P2RX7: variants seen among roughly 807,000 people sequenced by gnomAD.
P2RX7 encodes the protein purinergic receptor P2X 7.
Under a neutral mutation model 71.6 loss-of-function variants are expected in P2RX7, and 62 were observed. The observed-to-expected ratio is 0.87, with a 90% CI of 0.71 to 1.07. The LOEUF (loss-of-function observed/expected upper bound fraction) is 1.07, where lower values mean the gene tolerates loss of function less well. P2RX7 is among the 50% of genes least tolerant of loss of function. The pLI is 0.00. For missense variants in P2RX7, 686 were observed against 748.5 expected (o/e 0.92, Z 0.97); for synonymous variants, 299 against 283.3 (o/e 1.06, Z -0.56).
chr12:121,182,082 C>A (rs981156996), intron 12 of P2RX7, among the ~76,000 whole-genome samples: 14 of 139,298 alleles, frequency 1.0e-4, no homozygotes, highest in African/African-American at 3.5e-4. Context: ...AAAAAAAAGT[C>A]TTTTCTGCTC....
chr12:121,165,415 T>C lies in P2RX7; in HGVS notation c.592T>C (p.Phe198Leu). The change falls in exon 6 of 13, where the codon TTC (phenylalanine) becomes CTC (leucine). Residue 198 changes from phenylalanine (F) to leucine (L), a missense_variant. Transcript: ENST00000328963. The stretch of plus-strand genomic sequence containing the variant: ...TGTGCTCATCAAGAACAATATCGAC[T>C]TCCCCGGCCACAACTACACCACGTA... ...FTVLIKNNID[F>L]PGHNYTTRNI... 6.2e-7 allele frequency: 1 copy of C among 1,614,000 alleles called. No homozygotes were observed. The highest frequency in any genetic ancestry group is 1.7e-5 in the Admixed American group (1 of 59,998).
At chr12:121,163,127 G>A (rs1328198344) in intron 5 of P2RX7, among the ~76,000 whole-genome samples, 1 of 152,132 alleles carries the variant, frequency 6.6e-6, no homozygotes, top group Non-Finnish European at 1.5e-5. Flanking sequence ...AGAATAGTTA[G>A]AAAGACCTGG....
In P2RX7 at chr12:121,153,883, A is replaced by G. The variant is rs539869551; in HGVS notation, c.126-902A>G. ...ACCACAACATGTTGGGAGGCTCAACATGTTGGCAGGAGGATTGCTTGAGGC... is the reference window on the plus strand; with the variant it reads ...ACCACAACATGTTGGGAGGCTCAACGTGTTGGCAGGAGGATTGCTTGAGGC... On this transcript the variant is annotated intron_variant, in intron 1 of 12. Coordinates refer to ENST00000328963, the MANE Select transcript of P2RX7 (RefSeq NM_002562.6). Among the ~76,000 whole-genome samples, 451 of 152,218 alleles carry G rather than the reference A, an allele frequency of 3.0e-3. 1 individual carries two copies. The highest frequency in any genetic ancestry group is 5.1e-3 in the Non-Finnish European group (344 of 68,002).
chr12:121,152,462 G>A (rs560011809), intron 1 of P2RX7, among the ~76,000 whole-genome samples: 30 of 152,226 alleles, frequency 2.0e-4, no homozygotes, highest in African/African-American at 7.0e-4. Flanking sequence ...CAGAGTAGCT[G>A]GGACTACAGG....
intron 4 of P2RX7, chr12:121,162,214 T>C: frequency 2.2e-6 from 3 of 1,356,780 alleles, no homozygotes; most frequent in Non-Finnish European, 1.9e-6. Flanking sequence ...TTCTGTGTTC[T>C]CTCTGATCTT....
intron 11 of P2RX7, among the ~76,000 whole-genome samples, chr12:121,177,930 G>A (rs180801197): frequency 3.9e-4 from 60 of 152,090 alleles, no homozygotes; most frequent in Non-Finnish European, 2.4e-4. Flanking sequence ...TGTTGGCCAG[G>A]CTGGTCTCAA....
chr12:121,175,622 A>G lies in P2RX7; in HGVS notation c.972+144A>G, dbSNP rs183336039. 298 of 599,800 alleles carry G rather than the reference A, an allele frequency of 5.0e-4. 1 individual carries two copies. The highest frequency in any genetic ancestry group is 1.6e-3 in the Admixed American group (59 of 37,922). 37.2% of individuals were successfully genotyped at this position (599,800 alleles called of 1,614,324 possible). On this transcript the variant is annotated intron_variant, in intron 9 of 12. Transcript: ENST00000328963. ...TCGCACATGGGATAAAAGAGGAAGA[A>G]GATGTTCTCGGGCTGCTGTCCCTGA...
At chr12:121,159,075 G>A (rs1262895940) in intron 3 of P2RX7, among the ~76,000 whole-genome samples, 1 of 152,144 alleles carries the variant, frequency 6.6e-6, no homozygotes, top group Non-Finnish European at 1.5e-5. Context: ...TGTACTATGT[G>A]CTAAACCCTT....
chr12:121,159,271 G>A (rs1306846248), intron 3 of P2RX7, among the ~76,000 whole-genome samples: 2 of 151,882 alleles, frequency 1.3e-5, no homozygotes, highest in Non-Finnish European at 2.9e-5. Flanking sequence ...ACAAAAATTA[G>A]CCAGGCATGG....
intron 12 of P2RX7, among the ~76,000 whole-genome samples, chr12:121,180,932 C>G (rs1251180260): frequency 6.6e-6 from 1 of 151,528 alleles, no homozygotes; most frequent in East Asian, 1.9e-4. Flanking sequence ...CCATTGCACT[C>G]CAGCCTGGGT....
At chr12:121,136,183 A>G (rs1176694234) in intron 1 of P2RX7, among the ~76,000 whole-genome samples, 1 of 148,502 alleles carries the variant, frequency 6.7e-6, no homozygotes, top group Non-Finnish European at 1.5e-5. Flanking sequence ...TATCACTTAA[A>G]CCAGCTATCA....
Position 121,180,441 on chromosome 12 carries a change from G to T in P2RX7, c.1276G>T (p.Gly426Cys). ...LLGRSLQDVK[G>C]QEVPRPAMDF... is the part of the protein sequence containing the mutation. ...AGGGAGAAGTCTGCAAGATGTCAAG[G>T]GCCAAGAAGTCCCAGTAAGTTAAAT... Residue 426 changes from glycine (G) to cysteine (C), a missense_variant, in exon 12 of 13, where the codon GGC becomes TGC. By Grantham distance (159) the Gly-to-Cys change is radical. Coordinates refer to ENST00000328963, the MANE Select transcript of P2RX7 (RefSeq NM_002562.6). 2.5e-6 allele frequency: 4 copies of T among 1,575,612 alleles called. No homozygotes were observed. Among genetic ancestry groups the T allele is most frequent in the Non-Finnish European group, 3.4e-6 (4 of 1,159,448 alleles).
At position 121,175,419 on chromosome 12, in the gene P2RX7, G is replaced by A. The variant is rs1373810263; in HGVS notation, c.913G>A (p.Glu305Lys). 6.2e-7 allele frequency: 1 copy of A among 1,600,002 alleles called. No homozygotes were observed. The highest frequency in any genetic ancestry group is 1.1e-5 in the South Asian group (1 of 90,796). The change falls in exon 9 of 13, where the codon GAG becomes AAG. Residue 305 changes from glutamate (E) to lysine (K), a missense_variant. Coordinates refer to ENST00000328963, the MANE Select transcript of P2RX7 (RefSeq NM_002562.6). Reference sequence around the variant, plus strand: ...CAAGTACTACAAGGAAAACAATGTTGAGAAACGGACTCTGATAAAAGTCTT... The same window carrying A: ...CAAGTACTACAAGGAAAACAATGTTAAGAAACGGACTCTGATAAAAGTCTT... The part of the protein sequence containing the change: ...YAKYYKENNV[E>K]KRTLIKVFGI...
At position 121,178,589 on chromosome 12, in the gene P2RX7, C is replaced by T. The variant is rs139197480; in HGVS notation, c.1188+1143C>T. Among the ~76,000 whole-genome samples, 278 of 152,120 alleles carry T rather than the reference C, an allele frequency of 1.8e-3. 8 individuals are homozygous for T. In the East Asian group the frequency reaches 0.05, roughly 27 times the overall value. ...GGCAGATCACTTGAGGTCAAGAGTT[C>T]GAGACCAGCCTGGCCAACATGGTGA... On this transcript the variant is annotated intron_variant, in intron 11 of 12. Coordinates refer to ENST00000328963, the MANE Select transcript of P2RX7 (RefSeq NM_002562.6).
chr12:121,150,766 G>A (rs1039535528), intron 1 of P2RX7, among the ~76,000 whole-genome samples: 1 of 152,140 alleles, frequency 6.6e-6, no homozygotes, highest in African/African-American at 2.4e-5. Flanking sequence ...AAAATTAGCT[G>A]GGCACGATGG....
chr12:121,186,196 G>A lies in P2RX7; in HGVS notation c.*1394G>A, dbSNP rs549342026. ...CCCAGTCACCAAACATGAGAGAGAA[G>A]AAGCCTTCAGGTGATTCTGGACTCC... is the stretch of plus-strand genomic sequence containing the variant. On this transcript the variant is annotated 3_prime_UTR_variant, in exon 13 of 13. Coordinates refer to ENST00000328963, the MANE Select transcript of P2RX7 (RefSeq NM_002562.6). The A allele has an allele frequency of 2.7e-4, 41 of 152,490 alleles. No individual in the cohort carries two copies. The highest frequency in any genetic ancestry group is 5.0e-4 in the Non-Finnish European group (34 of 68,256). The allele number at this position is 152,490 out of a possible 1,614,324, so 9.4% of individuals were successfully genotyped here. A position where few individuals can be genotyped will look rare whatever the true frequency, so the allele number is the denominator to read the frequency against.
At chr12:121,166,316 A>T in intron 7 of P2RX7, 129 bp downstream of exon 7, 1 of 990,242 alleles carries the variant, frequency 1.0e-6, no homozygotes, top group Non-Finnish European at 1.5e-6. Context: ...TAGTAAATCC[A>T]CCCGCTACGC....
At chr12:121,176,751 CAAAAAA>C (rs34853051) in intron 9 of P2RX7, among the ~76,000 whole-genome samples, 1 of 68,776 alleles carries the variant, frequency 1.5e-5, no homozygotes, top group Non-Finnish European at 2.9e-5. Context: ...GACTCTGTCT[CAAAAAA>C]AAAAAAAAAA....
intron 3 of P2RX7, among the ~76,000 whole-genome samples, chr12:121,158,420 C>T (rs139724151): frequency 1.0e-3 from 156 of 152,288 alleles, no homozygotes; most frequent in Middle Eastern, 6.8e-3. Flanking sequence ...CTAAGAGTTA[C>T]CCTCTCTTCA....
Sources: allele counts gnomAD v4.1 joint callset (sites outside exome capture counted in the v4.1 genomes callset), GRCh38; gene constraint gnomAD v4.1.1; transcripts MANE v1.5; gene names NCBI Gene and HGNC (gene_info 2026-07-23, HGNC 2026-07-21).